The following GABRB2 variants were observed in gnomAD, a reference collection of about 807,000 sequenced individuals.
GABRB2 encodes the protein gamma-aminobutyric acid type A receptor subunit beta2.
A neutral mutation model predicts 54.7 loss-of-function variants in GABRB2; 16 were observed. The observed-to-expected ratio is 0.29, with a 90% CI of 0.20 to 0.44. The LOEUF (loss-of-function observed/expected upper bound fraction) is 0.44. GABRB2 is among the 20% of genes least tolerant of loss of function. The pLI, the probability that GABRB2 is intolerant of heterozygous loss-of-function variation, is 1.00. For synonymous variants in GABRB2, 244 were observed against 233.8 expected (o/e 1.04, Z -0.40); for missense variants, 355 against 644.0 (o/e 0.55, Z 4.86).
chr5:161,410,954 TG>T lies in GABRB2; in HGVS notation c.541+20del. The stretch of plus-strand genomic sequence containing the variant: ...ACCTTAAAGCAGAGTCCAGTCTAGC[TG>T]GATTCTCAGAACGACTTACAGCTCT... On this transcript the variant is annotated intron_variant, in intron 5 of 9. Coordinates refer to ENST00000393959, the MANE Select transcript of GABRB2 (RefSeq NM_001371727.1). The T allele has an allele frequency of 6.3e-7, 1 of 1,596,916 alleles. No individual in the cohort carries two copies. The highest frequency in any genetic ancestry group is 8.6e-7 in the Non-Finnish European group (1 of 1,164,758).
chr5:161,414,185 A>T (rs1756596659), intron 4 of GABRB2, among the ~76,000 whole-genome samples: 1 of 152,176 alleles, frequency 6.6e-6, no homozygotes, highest in Non-Finnish European at 1.5e-5. Context: ...GAAACTTTGG[A>T]GCCAAAATAG....
At chr5:161,365,955 T>C (rs111505313) in intron 5 of GABRB2, among the ~76,000 whole-genome samples, 3,625 of 151,812 alleles carry the variant, frequency 0.024, 143 homozygotes, top group African/African-American at 0.082. Context: ...TGACACTCCT[T>C]ATGCCTGGGG....
chr5:161,367,472 C>A (rs1007087112), intron 5 of GABRB2, among the ~76,000 whole-genome samples: 1 of 151,228 alleles, frequency 6.6e-6, no homozygotes, highest in Admixed American at 6.6e-5. Flanking sequence ...ATATATTTTT[C>A]GTTTGCTTAA....
intron 5 of GABRB2, among the ~76,000 whole-genome samples, chr5:161,372,530 C>G (rs898916561): frequency 6.6e-6 from 1 of 152,094 alleles, no homozygotes; most frequent in South Asian, 2.1e-4. Flanking sequence ...CCCTAAAACC[C>G]AGGATAACTT....
rs77673073 is a variant in GABRB2 at position 161,359,155 on chromosome 5, A to G, written c.542-22386T>C. 2.3e-3 allele frequency among the ~76,000 whole-genome samples: 351 copies of G among 152,278 alleles called. 2 individuals are homozygous for G. Among genetic ancestry groups the G allele is most frequent in the African/African-American group, 7.9e-3 (327 of 41,536 alleles). Reference sequence around the variant, plus strand: ...GAAAAAACAAAAAACCCCTAACTCAACCAAGTACATATAAGCACACTTAGT... The same window carrying G: ...GAAAAAACAAAAAACCCCTAACTCAGCCAAGTACATATAAGCACACTTAGT... On this transcript the variant is annotated intron_variant, in intron 5 of 9. Coordinates refer to ENST00000393959, the MANE Select transcript of GABRB2 (RefSeq NM_001371727.1).
chr5:161,432,202 C>T (rs1041340935), intron 4 of GABRB2, among the ~76,000 whole-genome samples: 8 of 152,136 alleles, frequency 5.3e-5, no homozygotes, highest in Admixed American at 5.2e-4. Context: ...TATAACAAGC[C>T]CCAGTGGGTG....
At chr5:161,501,927 A>G (rs932398645) in intron 3 of GABRB2, among the ~76,000 whole-genome samples, 2 of 148,598 alleles carry the variant, frequency 1.3e-5, no homozygotes, top group Non-Finnish European at 3.0e-5. Flanking sequence ...TTATATATAC[A>G]TATAAAATAA....
At position 161,290,329 on chromosome 5, in the gene GABRB2, G is replaced by C. The variant is rs1019031871; in HGVS notation, c.*3752C>G. 7 of 152,228 alleles carry C rather than the reference G, an allele frequency of 4.6e-5. No individual in the cohort carries two copies. In the Admixed American group the frequency reaches 4.6e-4, roughly 10 times the overall value. The allele number at this position is 152,228 out of a possible 1,614,324, so 9.4% of individuals were successfully genotyped here. On this transcript the variant is annotated 3_prime_UTR_variant, in exon 10 of 10. Coordinates refer to ENST00000393959, the MANE Select transcript of GABRB2 (RefSeq NM_001371727.1). ...CATGTTTGTTTTTGACTCACCAATGGACAATGTTATTTGTTTCCTTGAAAA... is the reference window on the plus strand; with the variant it reads ...CATGTTTGTTTTTGACTCACCAATGCACAATGTTATTTGTTTCCTTGAAAA...
intron 3 of GABRB2, among the ~76,000 whole-genome samples, chr5:161,541,073 TG>T (rs1269299408): frequency 6.6e-6 from 1 of 152,114 alleles, no homozygotes; most frequent in Non-Finnish European, 1.5e-5. Flanking sequence ...CTTGAATGTC[TG>T]GGCTCAAGGT....
intron 5 of GABRB2, among the ~76,000 whole-genome samples, chr5:161,397,024 T>A (rs1756022705): frequency 6.6e-6 from 1 of 152,190 alleles, no homozygotes; most frequent in Non-Finnish European, 1.5e-5. Context: ...TTCTGAATAG[T>A]AGCTATTGCT....
intron 4 of GABRB2, among the ~76,000 whole-genome samples, chr5:161,455,887 T>C (rs1436528079): frequency 2.0e-5 from 3 of 152,146 alleles, no homozygotes; most frequent in Admixed American, 6.5e-5. Flanking sequence ...AACACTTACA[T>C]ACCTACCGTT....
chr5:161,368,175 A>T (rs1002173538), intron 5 of GABRB2, among the ~76,000 whole-genome samples: 38 of 151,448 alleles, frequency 2.5e-4, no homozygotes, highest in Non-Finnish European at 3.8e-4. Context: ...AAATATTTTG[A>T]AAAACTAAGT....
intron 3 of GABRB2, among the ~76,000 whole-genome samples, chr5:161,535,800 G>A (rs1000065552): frequency 3.3e-5 from 5 of 152,184 alleles, no homozygotes; most frequent in African/African-American, 1.2e-4. Context: ...TTGATCCCCA[G>A]TGTGGCTCTG....
chr5:161,531,596 T>C (rs1426032809), intron 3 of GABRB2, among the ~76,000 whole-genome samples: 2 of 152,122 alleles, frequency 1.3e-5, no homozygotes, highest in Non-Finnish European at 2.9e-5. Flanking sequence ...ACTATATTCA[T>C]AGAAAACAGT....
chr5:161,352,766 TCTA>T (rs1378077003), intron 5 of GABRB2, among the ~76,000 whole-genome samples: 1 of 152,056 alleles, frequency 6.6e-6, no homozygotes. Context: ...GCTTGTCTAT[TCTA>T]CTATGTGTAC....
At chr5:161,302,194 C>A (rs1317287257) in intron 9 of GABRB2, among the ~76,000 whole-genome samples, 2 of 152,162 alleles carry the variant, frequency 1.3e-5, no homozygotes, top group East Asian at 3.8e-4. Flanking sequence ...GTTCTAACAA[C>A]CATCATGTTA....
chr5:161,294,191 T>C lies in GABRB2; in HGVS notation c.1429A>G (p.Thr477Ala). 6.2e-7 allele frequency: 1 copy of C among 1,614,144 alleles called. No homozygotes were observed. Among genetic ancestry groups the C allele is most frequent in the Non-Finnish European group, 8.5e-7 (1 of 1,180,016 alleles). ...TTCACATCAGTCAAGTCAGGGATGG[T>C]GATTTTCAGTTGGGAGGCGCGTCTC... ...LRRRASQLKI[T>A]IPDLTDVNAI... is the part of the protein sequence containing the mutation. Residue 477 changes from threonine to alanine, a missense_variant, in exon 10 of 10, where the codon ACC becomes GCC. This residue lies in a region of GABRB2 where 201 missense variants were observed against 228.1 expected (regional missense o/e 0.88). Coordinates refer to ENST00000393959, the MANE Select transcript of GABRB2 (RefSeq NM_001371727.1).
chr5:161,492,221 G>A (rs1759106778), intron 3 of GABRB2, among the ~76,000 whole-genome samples: 1 of 151,534 alleles, frequency 6.6e-6, no homozygotes, highest in African/African-American at 2.4e-5. Context: ...AATCCAAGCA[G>A]AGGGTCTTAA....
chr5:161,316,780 T>G (rs2113373496), intron 9 of GABRB2, among the ~76,000 whole-genome samples: 1 of 152,134 alleles, frequency 6.6e-6, no homozygotes, highest in South Asian at 2.1e-4. Context: ...CCTGGCTAAT[T>G]TTTGTATTTT....
Sources: gnomAD v4.1 joint callset for allele counts (sites outside exome capture counted in the v4.1 genomes callset) on GRCh38, gnomAD v4.1.1 for gene constraint, gnomAD v4.1.1 regional missense constraint, MANE v1.5 for transcripts, NCBI Gene and HGNC (gene_info 2026-07-23, HGNC 2026-07-21) for gene names.